ADK: variants seen among roughly 807,000 people sequenced by gnomAD.
ADK encodes adenosine kinase.
A neutral mutation model predicts 44.7 loss-of-function variants in ADK; 24 were observed. The observed-to-expected ratio is 0.54, with a 90% CI of 0.39 to 0.76. ADK has a LOEUF of 0.76. Among genes scored for constraint, ADK ranks in the 30% least tolerant of loss-of-function variants. The pLI, the probability that ADK is intolerant of heterozygous loss-of-function variation, is 0.00. For missense variants in ADK, 321 were observed against 425.1 expected (o/e 0.76, Z 2.15); for synonymous variants, 128 against 142.6 (o/e 0.90, Z 0.73).
chr10:74,163,549 A>C (rs1841957264), intron 1 of ADK, among the ~76,000 whole-genome samples: 1 of 152,232 alleles, frequency 6.6e-6, no homozygotes, highest in South Asian at 2.1e-4. Flanking sequence ...CATACTGTGA[A>C]ATGAATCCAT....
intron 9 of ADK, among the ~76,000 whole-genome samples, chr10:74,645,682 C>T (rs1233831212): frequency 1.3e-5 from 2 of 152,124 alleles, no homozygotes; most frequent in Non-Finnish European, 2.9e-5. Flanking sequence ...TGATGTGTAC[C>T]TTGTTTGATG....
intron 2 of ADK, among the ~76,000 whole-genome samples, chr10:74,206,603 A>C (rs1843605734): frequency 6.6e-6 from 1 of 152,170 alleles, no homozygotes; most frequent in Non-Finnish European, 1.5e-5. Flanking sequence ...AGAATGACCC[A>C]ATTTATATGA....
intron 9 of ADK, among the ~76,000 whole-genome samples, chr10:74,637,424 T>G (rs1410766425): frequency 6.6e-6 from 1 of 152,224 alleles, no homozygotes; most frequent in Non-Finnish European, 1.5e-5. Flanking sequence ...ATTGCAGAAT[T>G]GCTGTGAATG....
intron 4 of ADK, among the ~76,000 whole-genome samples, chr10:74,366,031 A>G (rs1024658007): frequency 5.9e-5 from 9 of 152,204 alleles, no homozygotes; most frequent in African/African-American, 2.2e-4. Context: ...GGAGAAATGT[A>G]TATTCAACTT....
At chr10:74,363,952 C>G (rs1842421322) in intron 4 of ADK, among the ~76,000 whole-genome samples, 1 of 152,186 alleles carries the variant, frequency 6.6e-6, no homozygotes, top group South Asian at 2.1e-4. Flanking sequence ...GAGGCTGAGT[C>G]TGGGGCCTCC....
chr10:74,358,976 C>G (rs1239706270), intron 4 of ADK, among the ~76,000 whole-genome samples: 1 of 151,836 alleles, frequency 6.6e-6, no homozygotes, highest in Non-Finnish European at 1.5e-5. Flanking sequence ...CTCTGTGGTG[C>G]CCAGTCTGGA....
At chr10:74,229,462 A>T (rs1021469371) in intron 3 of ADK, among the ~76,000 whole-genome samples, 1 of 130,904 alleles carries the variant, frequency 7.6e-6, no homozygotes, top group African/African-American at 3.0e-5. Context: ...CAGTGGCGTG[A>T]TCTCGGCTCA....
At chr10:74,412,591 T>C (rs1316429143) in intron 6 of ADK, among the ~76,000 whole-genome samples, 5 of 152,210 alleles carry the variant, frequency 3.3e-5, no homozygotes, top group African/African-American at 1.2e-4. Context: ...AAATTACTCA[T>C]TGATCCATGG....
intron 6 of ADK, among the ~76,000 whole-genome samples, chr10:74,495,596 A>T (rs1315013060): frequency 6.6e-6 from 1 of 152,216 alleles, no homozygotes; most frequent in Non-Finnish European, 1.5e-5. Flanking sequence ...GCTATTTGGT[A>T]TGTAAGTGTT....
chr10:74,303,593 T>TTTTTTTTG (rs1185067474), intron 3 of ADK, among the ~76,000 whole-genome samples: 1 of 115,032 alleles, frequency 8.7e-6, no homozygotes, highest in Non-Finnish European at 1.9e-5. Context: ...ATGTTGTTTT[T>TTTTTTTTG]TTTTTTTTTT....
At chr10:74,675,576 T>A (rs1297668084) in intron 10 of ADK, among the ~76,000 whole-genome samples, 1 of 152,216 alleles carries the variant, frequency 6.6e-6, no homozygotes, top group Non-Finnish European at 1.5e-5. Flanking sequence ...AATTCTATAA[T>A]CTCTAAGTAT....
At chr10:74,228,928 T>C (rs1314191245) in intron 3 of ADK, among the ~76,000 whole-genome samples, 3 of 152,184 alleles carry the variant, frequency 2.0e-5, no homozygotes, top group Admixed American at 6.5e-5. Flanking sequence ...GGAAAATCTC[T>C]TTAAAAGGGA....
At chr10:74,565,850 A>C (rs1850647704) in intron 7 of ADK, among the ~76,000 whole-genome samples, 1 of 152,210 alleles carries the variant, frequency 6.6e-6, no homozygotes, top group Non-Finnish European at 1.5e-5. Context: ...ATGGAATAAA[A>C]ATTAAAACAA....
chr10:74,387,938 A>T (rs1843199785), intron 4 of ADK, among the ~76,000 whole-genome samples: 1 of 149,790 alleles, frequency 6.7e-6, no homozygotes, highest in Non-Finnish European at 1.5e-5. Context: ...GAGGAGTTCC[A>T]CTCTTATTGC....
intron 9 of ADK, among the ~76,000 whole-genome samples, chr10:74,626,280 A>G (rs1853199136): frequency 6.6e-6 from 1 of 151,404 alleles, no homozygotes; most frequent in Admixed American, 6.6e-5. Flanking sequence ...CAGTAGAAAT[A>G]TGTCTTCACT....
At chr10:74,204,533 A>C (rs1434947768) in intron 2 of ADK, among the ~76,000 whole-genome samples, 1 of 152,146 alleles carries the variant, frequency 6.6e-6, no homozygotes, top group Non-Finnish European at 1.5e-5. Flanking sequence ...TAAATGTGTA[A>C]ATTTGACTTA....
At chr10:74,679,250 A>G (rs1188847327) in intron 10 of ADK, among the ~76,000 whole-genome samples, 1 of 152,236 alleles carries the variant, frequency 6.6e-6, no homozygotes, top group East Asian at 1.9e-4. Context: ...GTCGACTGGT[A>G]CCAGTCTATG....
chr10:74,603,409 C>G (rs1256258945), intron 9 of ADK, among the ~76,000 whole-genome samples: 2 of 152,056 alleles, frequency 1.3e-5, no homozygotes, highest in African/African-American at 4.8e-5. Flanking sequence ...CCTCCCTGAG[C>G]TCCCCCACCC....
At chr10:74,379,043 G>C (rs1339461041) in intron 4 of ADK, among the ~76,000 whole-genome samples, 6 of 152,146 alleles carry the variant, frequency 3.9e-5, no homozygotes, top group Non-Finnish European at 8.8e-5. Context: ...GAGGCAATGA[G>C]AGGTAAAGGG....
Sources: gnomAD v4.1 joint callset for allele counts (sites outside exome capture counted in the v4.1 genomes callset) on GRCh38, gnomAD v4.1.1 for gene constraint, MANE v1.5 for transcripts, NCBI Gene and HGNC (gene_info 2026-07-23, HGNC 2026-07-21) for gene names.